Variants in CRAT observed in about 807,000 individuals in gnomAD.
CRAT encodes the protein carnitine O-acetyltransferase, also known as carnitine acetylase.
Under a neutral mutation model 73.7 loss-of-function variants are expected in CRAT, and 66 were observed. The ratio of observed to expected loss-of-function variants is 0.90; its 90% CI spans 0.73 to 1.10. The LOEUF is 1.10. Ranked by LOEUF, CRAT falls within the 50% of genes least tolerant of loss-of-function variation. The pLI is 0.00. For synonymous variants in CRAT, 321 were observed against 343.2 expected (o/e 0.94, Z 0.71); for missense variants, 745 against 846.9 (o/e 0.88, Z 1.49).
intron 11 of CRAT, 106 bp downstream of exon 11, chr9:129,097,907 C>T: frequency 6.7e-7 from 1 of 1,489,584 alleles, no homozygotes; most frequent in Non-Finnish European, 9.0e-7. Flanking sequence ...CCCGTGCCCA[C>T]CATGGGGCTG....
At position 129,110,695 on chromosome 9, in the gene CRAT, G is replaced by C. The variant is rs1015113021; in HGVS notation, c.-186C>G. ...ACCCTCTGGGCCGAGCGGGCTGCGG[G>C]AAGGCACCCGGGGAGGAGGACTCGC... On this transcript the variant is annotated 5_prime_UTR_variant, in exon 1 of 14. Transcript: ENST00000318080. The surrounding 1 kb of genome is among the most constrained non-coding windows in gnomAD (Gnocchi z 5.3). 1 of 771,980 alleles carries C rather than the reference G, an allele frequency of 1.3e-6. No individual in the cohort carries two copies. The allele number at this position is 771,980 out of a possible 1,614,324, so 47.8% of individuals were successfully genotyped here.
At chr9:129,099,586 C>T (rs1226916704) in intron 8 of CRAT, among the ~76,000 whole-genome samples, 3 of 138,138 alleles carry the variant, frequency 2.2e-5, no homozygotes, top group Non-Finnish European at 3.1e-5. Context: ...GATACCACAC[C>T]TGGGTAATTT....
Position 129,110,579 on chromosome 9 carries a change from G to T in CRAT, c.-70C>A, listed in dbSNP as rs1478982184. 8.1e-6 allele frequency: 12 copies of T among 1,488,254 alleles called. No homozygotes were observed. Among genetic ancestry groups the T allele is most frequent in the African/African-American group, 1.5e-5 (1 of 68,182 alleles). 92.2% of individuals were successfully genotyped at this position (1,488,254 alleles called of 1,614,324 possible). A position where few individuals can be genotyped will look rare whatever the true frequency, so the allele number is the denominator to read the frequency against. On this transcript the variant is annotated 5_prime_UTR_variant, in exon 1 of 14. Transcript: ENST00000318080. The surrounding 1 kb of genome is among the most constrained non-coding windows in gnomAD (Gnocchi z 5.3). ...ACCGGGCAAAGTCCGCGCCGCCGCC[G>T]CCGCGGCTGGGGTCGGTGGGTCCTT...
chr9:129,095,411 G>A lies in CRAT; in HGVS notation c.1867C>T (p.Arg623Trp), dbSNP rs551012337. ...GTCCTAGGGGCTCAGAGCTTGGCCC[G>A]GGGGTGGCTCTGCAGCAGGGCACGC... Reference protein sequence around the residue: ...DMRALLQSHPRAKL With the variant: ...DMRALLQSHPWAKL Residue 623 changes from arginine to tryptophan, a missense_variant, in exon 14 of 14, where the codon CGG becomes TGG. Physicochemically the swap from Arg to Trp is moderately radical, Grantham distance 101. Coordinates refer to ENST00000318080, the MANE Select transcript of CRAT (RefSeq NM_000755.5). 7 of 1,611,184 alleles carry A rather than the reference G, an allele frequency of 4.3e-6. No homozygotes were observed. Among genetic ancestry groups the A allele is most frequent in the East Asian group, 2.2e-5 (1 of 44,876 alleles).
intron 5 of CRAT, 42 bp from the exon 6 acceptor site, chr9:129,102,099 G>A (rs1329775853): frequency 1.3e-6 from 2 of 1,595,348 alleles, no homozygotes; most frequent in Non-Finnish European, 1.7e-6. Context: ...GCTGAGTGGG[G>A]ACCTCAGGCT....
At chr9:129,097,168 G>C (rs1009396584) in intron 12 of CRAT, 82 bp downstream of exon 12, 1 of 1,283,244 alleles carries the variant, frequency 7.8e-7, no homozygotes, top group Non-Finnish European at 1.1e-6. Flanking sequence ...GCAGCCATTG[G>C]CTGCAGGGAC....
At chr9:129,108,309 G>T in intron 1 of CRAT, 1 of 1,134,772 alleles carries the variant, frequency 8.8e-7, no homozygotes, top group Non-Finnish European at 1.2e-6. Flanking sequence ...TTCTTAGCAA[G>T]GCTCAGGGGA....
intron 8 of CRAT, among the ~76,000 whole-genome samples, chr9:129,099,498 C>T (rs191476634): frequency 4.7e-4 from 72 of 151,804 alleles, no homozygotes; most frequent in Non-Finnish European, 8.1e-4. Flanking sequence ...ACAGTCTCCG[C>T]TCAACGCAAC....
At chr9:129,098,434 G>A in intron 9 of CRAT, 63 bp from the exon 10 acceptor site, 5 of 1,600,038 alleles carry the variant, frequency 3.1e-6, no homozygotes, top group Non-Finnish European at 4.3e-6. Flanking sequence ...CCCCACGGAG[G>A]GTCTGGGTGT....
chr9:129,110,600 T>TG lies in CRAT; in HGVS notation c.-92_-91insC. 1 of 1,403,482 alleles carries TG rather than the reference T, an allele frequency of 7.1e-7. No homozygotes were observed. The highest frequency in any genetic ancestry group is 9.4e-7 in the Non-Finnish European group (1 of 1,063,526). 86.9% of individuals were successfully genotyped at this position (1,403,482 alleles called of 1,614,324 possible). ...CGCCGCCGCGGCTGGGGTCGGTGGG[T>TG]CCTTGCTAGAGCCTTCGGGCCAAGG... is the stretch of plus-strand genomic sequence containing the variant. On this transcript the variant is annotated 5_prime_UTR_variant, in exon 1 of 14. Coordinates refer to ENST00000318080, the MANE Select transcript of CRAT (RefSeq NM_000755.5). This position sits in a 1 kb window ranked among gnomAD's most constrained non-coding sequence, Gnocchi z 5.3.
chr9:129,103,154 C>A lies in CRAT; in HGVS notation c.411-88G>T. On this transcript the variant is annotated intron_variant, in intron 3 of 13. Transcript: ENST00000318080. The surrounding 1 kb of genome is among the most constrained non-coding windows in gnomAD (Gnocchi z 4.6). ...GACACCTGCTTGGGGAGCGGGAGGT[C>A]TAGTCTTCCAGCCTCTCTCACCGCT... The A allele has an allele frequency of 8.7e-7, 1 of 1,150,756 alleles. No homozygotes were observed. Among genetic ancestry groups the A allele is most frequent in the South Asian group, 1.2e-5 (1 of 81,438 alleles). The allele number at this position is 1,150,756 out of a possible 1,614,324, so 71.3% of individuals were successfully genotyped here.
At chr9:129,098,709 T>C (rs907417692) in intron 8 of CRAT, 59 bp from the exon 9 acceptor site, 18 of 1,553,722 alleles carry the variant, frequency 1.2e-5, no homozygotes, top group Non-Finnish European at 1.5e-5. Context: ...GGGTCCATTC[T>C]GGGACCAGGG....
chr9:129,105,985 C>G (rs112029662), intron 2 of CRAT, among the ~76,000 whole-genome samples: 1 of 152,290 alleles, frequency 6.6e-6, no homozygotes, highest in African/African-American at 2.4e-5. Context: ...TTCCTGCACA[C>G]AGCCAGTACA....
rs1237574742 is a variant in CRAT at position 129,095,352 on chromosome 9, A to G, written c.*45T>C. 4.4e-6 allele frequency: 7 copies of G among 1,591,492 alleles called. No homozygotes were observed. Among genetic ancestry groups the G allele is most frequent in the Non-Finnish European group, 6.0e-6 (7 of 1,169,948 alleles). On this transcript the variant is annotated 3_prime_UTR_variant, in exon 14 of 14. Transcript: ENST00000318080. ...TGAGCCCTGGTGGGTGGCCCATCCC[A>G]GGGTGGGCTTGGCTGTGGCATTGGC... is the stretch of plus-strand genomic sequence containing the variant.
At chr9:129,109,861 C>A in intron 1 of CRAT, among the ~76,000 whole-genome samples, 1 of 148,914 alleles carries the variant, frequency 6.7e-6, no homozygotes, top group Non-Finnish European at 1.5e-5. Context: ...GTAGATATAG[C>A]CAGGGTGGGG....
In CRAT at chr9:129,106,503, C is replaced by T. The variant is rs558314332; in HGVS notation, c.291+1311G>A. Among the ~76,000 whole-genome samples, 1 of 152,134 alleles carries T rather than the reference C, an allele frequency of 6.6e-6. No homozygotes were observed. The highest frequency in any genetic ancestry group is 2.1e-4 in the South Asian group (1 of 4,822). ...GGTGGTGGCGGAGACCCTTCGGTGG[C>T]CCCGTGAGTGGAAGGAGGGGTGCCC... On this transcript the variant is annotated intron_variant, in intron 2 of 13. Transcript: ENST00000318080. The surrounding 1 kb of genome is among the most constrained non-coding windows in gnomAD (Gnocchi z 4.0).
chr9:129,099,376 C>A (rs563168041), intron 8 of CRAT, among the ~76,000 whole-genome samples: 3 of 150,530 alleles, frequency 2.0e-5, no homozygotes, highest in African/African-American at 7.3e-5. Context: ...TCAGGTGATC[C>A]GCCTCCCAAA....
chr9:129,097,351 C>A, intron 11 of CRAT, 39 bp from the exon 12 acceptor site: 1 of 1,515,272 alleles, frequency 6.6e-7, no homozygotes, highest in Non-Finnish European at 8.9e-7. Flanking sequence ...AAGCACTGTC[C>A]CTTCTCTTCT....
Position 129,095,493 on chromosome 9 carries a change from G to T in CRAT, c.1785C>A (p.Cys595Ter). ...CCAGGCGGGCGGCGTTGGTCTCCGC[G>T]CAGCTGTTGTAGGCCGACAGGGAGA... Reference protein sequence around the residue: ...INFSLSAYNSCAETNAARLAH... With the variant: ...INFSLSAYNS Residue 595 changes from cysteine (C) to a stop codon, truncating the protein, a stop_gained, in exon 14 of 14, where the codon TGC becomes TGA. Transcript: ENST00000318080. LOFTEE classifies it high-confidence loss of function. The T allele has an allele frequency of 6.2e-7, 1 of 1,613,490 alleles. No individual in the cohort carries two copies. The highest frequency in any genetic ancestry group is 1.6e-4 in the Middle Eastern group (1 of 6,062).
Sources: allele counts gnomAD v4.1 joint callset (sites outside exome capture counted in the v4.1 genomes callset), GRCh38; gene constraint gnomAD v4.1.1; non-coding constraint Gnocchi (gnomAD v3.1); transcripts MANE v1.5; gene names NCBI Gene and HGNC (gene_info 2026-07-23, HGNC 2026-07-21).